The following PRKCA variants were observed in gnomAD, a reference collection of about 807,000 sequenced individuals.
PRKCA encodes the protein protein kinase C alpha, also known as protein kinase C alpha type.
PRKCA carries 27 observed loss-of-function variants against 87.0 expected under a neutral mutation model. The ratio of observed to expected loss-of-function variants is 0.31; its 90% CI spans 0.23 to 0.43. The LOEUF (loss-of-function observed/expected upper bound fraction) is 0.43, where lower values mean the gene tolerates loss of function less well. Among genes scored for constraint, PRKCA ranks in the 20% least tolerant of loss-of-function variants. The probability of loss-of-function intolerance (pLI) is 1.00; values close to 1 mark genes in which losing one functional copy is unlikely to be tolerated. For missense variants in PRKCA, 518 were observed against 852.3 expected (o/e 0.61, Z 4.88); for synonymous variants, 329 against 311.1 (o/e 1.06, Z -0.61).
chr17:66,400,851 A>C (rs1189858414), intron 2 of PRKCA, among the ~76,000 whole-genome samples: 2 of 152,192 alleles, frequency 1.3e-5, no homozygotes, highest in African/African-American at 2.4e-5. Context: ...GCTTTTCTTC[A>C]TGGTTATAAA....
intron 10 of PRKCA, among the ~76,000 whole-genome samples, chr17:66,738,086 G>A (rs1974077375): frequency 6.6e-6 from 1 of 152,162 alleles, no homozygotes; most frequent in South Asian, 2.1e-4. Flanking sequence ...ATGTCCTCAG[G>A]AATATGCAGA....
At chr17:66,368,386 ATTTTTTTTT>A (rs1180540465) in intron 2 of PRKCA, among the ~76,000 whole-genome samples, 8 of 25,468 alleles carry the variant, frequency 3.1e-4, no homozygotes, top group Admixed American at 1.6e-3. Flanking sequence ...ATATATATAT[ATTTTTTTTT>A]TTTTTTTTTT....
intron 1 of PRKCA, 54 bp downstream of exon 1, chr17:66,303,078 G>GC: frequency 6.3e-7 from 1 of 1,575,226 alleles, no homozygotes; most frequent in Non-Finnish European, 8.6e-7. Context: ...CCGGGTCCCG[G>GC]CACCCGGCGC....
In PRKCA at chr17:66,803,765, GCCCGGAGTTC is replaced by G; in HGVS notation, c.1855-104_1855-95del. ...CCTCCGAGATTCCTCCTCCTAACCA[GCCCGGAGTTC>G]CCCAGGGCCGTGCCCCTCCCCAGAG... On this transcript the variant is annotated intron_variant, in intron 16 of 16. Coordinates refer to ENST00000413366, the MANE Select transcript of PRKCA (RefSeq NM_002737.3). This position sits in a 1 kb window ranked among gnomAD's most constrained non-coding sequence, Gnocchi z 4.4. The G allele has an allele frequency of 6.8e-7, 1 of 1,466,190 alleles. No individual in the cohort carries two copies. The highest frequency in any genetic ancestry group is 9.1e-7 in the Non-Finnish European group (1 of 1,093,038). The allele number at this position is 1,466,190 out of a possible 1,614,324, so 90.8% of individuals were successfully genotyped here. A position where few individuals can be genotyped will look rare whatever the true frequency, so the allele number is the denominator to read the frequency against.
chr17:66,702,694 A>G (rs573175208), intron 8 of PRKCA, among the ~76,000 whole-genome samples: 61 of 152,322 alleles, frequency 4.0e-4, no homozygotes, highest in Non-Finnish European at 7.6e-4. Context: ...AACAATGACT[A>G]ATACCATTTT....
At chr17:66,500,308 G>A (rs1225762667) in intron 3 of PRKCA, among the ~76,000 whole-genome samples, 1 of 152,202 alleles carries the variant, frequency 6.6e-6, no homozygotes, top group Non-Finnish European at 1.5e-5. Flanking sequence ...GCTGTATGCA[G>A]GATGATTTTA....
At chr17:66,794,392 G>T (rs9916314) in intron 16 of PRKCA, among the ~76,000 whole-genome samples, 20,707 of 151,690 alleles carry the variant, frequency 0.14, 2,703 homozygotes, top group African/African-American at 0.34. Flanking sequence ...TCATTTCCCA[G>T]TGCCATTAGC....
At chr17:66,755,275 C>T (rs572187476) in intron 13 of PRKCA, among the ~76,000 whole-genome samples, 4 of 152,206 alleles carry the variant, frequency 2.6e-5, no homozygotes, top group Admixed American at 6.5e-5. Flanking sequence ...TGGAGAAGCG[C>T]GGCATGGGGT....
At chr17:66,732,307 A>C (rs1449800489) in intron 8 of PRKCA, among the ~76,000 whole-genome samples, 1 of 152,210 alleles carries the variant, frequency 6.6e-6, no homozygotes, top group Non-Finnish European at 1.5e-5. Context: ...ATCTACAAAT[A>C]CAAAAAGCAT....
intron 13 of PRKCA, among the ~76,000 whole-genome samples, chr17:66,743,872 C>A (rs1292302811): frequency 6.6e-6 from 1 of 152,130 alleles, no homozygotes; most frequent in African/African-American, 2.4e-5. Context: ...GAAGTCAGAC[C>A]CATGTGAGCT....
chr17:66,373,706 C>T (rs1909241057), intron 2 of PRKCA, among the ~76,000 whole-genome samples: 1 of 152,190 alleles, frequency 6.6e-6, no homozygotes, highest in Non-Finnish European at 1.5e-5. Context: ...TAGGGACAAT[C>T]ACAGAGATGC....
intron 13 of PRKCA, among the ~76,000 whole-genome samples, chr17:66,757,248 T>C (rs1371783876): frequency 6.7e-6 from 1 of 148,382 alleles, no homozygotes; most frequent in Non-Finnish European, 1.5e-5. Context: ...TGGAACAGAC[T>C]ATCCAAGAAC....
At chr17:66,501,023 C>T (rs1222509394) in intron 3 of PRKCA, among the ~76,000 whole-genome samples, 1 of 151,878 alleles carries the variant, frequency 6.6e-6, no homozygotes, top group Non-Finnish European at 1.5e-5. Context: ...TTAATAGTAC[C>T]TTCGTTGAGC....
intron 2 of PRKCA, among the ~76,000 whole-genome samples, chr17:66,441,049 C>A (rs1214386170): frequency 1.3e-5 from 2 of 150,848 alleles, no homozygotes; most frequent in Non-Finnish European, 2.9e-5. Flanking sequence ...GTAATCCCAG[C>A]TACTCAAGAG....
intron 3 of PRKCA, among the ~76,000 whole-genome samples, chr17:66,633,007 G>C (rs141683030): frequency 6.6e-6 from 1 of 152,268 alleles, no homozygotes; most frequent in East Asian, 1.9e-4. Flanking sequence ...TTGCAGATCA[G>C]AAATTAATGA....
At chr17:66,643,424 G>C (rs1309360675) in intron 4 of PRKCA, among the ~76,000 whole-genome samples, 1 of 152,220 alleles carries the variant, frequency 6.6e-6, no homozygotes, top group Non-Finnish European at 1.5e-5. Context: ...AGTTGTGTTT[G>C]TATCAGAGGG....
intron 2 of PRKCA, among the ~76,000 whole-genome samples, chr17:66,402,170 G>T (rs1192305142): frequency 6.6e-6 from 1 of 152,134 alleles, no homozygotes; most frequent in Non-Finnish European, 1.5e-5. Context: ...AGCAAAAGAG[G>T]TCTTAGAATG....
chr17:66,447,294 TC>T (rs1487649091), intron 2 of PRKCA, among the ~76,000 whole-genome samples: 1 of 152,128 alleles, frequency 6.6e-6, no homozygotes, highest in African/African-American at 2.4e-5. Flanking sequence ...CAATTCATTG[TC>T]CTCTGAGTAG....
rs1263835522 is a variant in PRKCA, at chr17:66,792,330, T to G, written c.1854+3351T>G. ...TGCAAACTGCTTCTACAGATCAGATTGAGCTTGTAGGATCAGGAGTCTATC... is the reference window on the plus strand; with the variant it reads ...TGCAAACTGCTTCTACAGATCAGATGGAGCTTGTAGGATCAGGAGTCTATC... On this transcript the variant is annotated intron_variant, in intron 16 of 16. Coordinates refer to ENST00000413366, the MANE Select transcript of PRKCA (RefSeq NM_002737.3). The surrounding 1 kb of genome is among the most constrained non-coding windows in gnomAD (Gnocchi z 4.5). Among the ~76,000 whole-genome samples the G allele has an allele frequency of 6.6e-6, 1 of 152,206 alleles. No individual in the cohort carries two copies. Among genetic ancestry groups the G allele is most frequent in the Non-Finnish European group, 1.5e-5 (1 of 68,022 alleles).
Sources: gnomAD v4.1 joint callset for allele counts (sites outside exome capture counted in the v4.1 genomes callset) on GRCh38, gnomAD v4.1.1 for gene constraint, Gnocchi (gnomAD v3.1) non-coding constraint, MANE v1.5 for transcripts, NCBI Gene and HGNC (gene_info 2026-07-23, HGNC 2026-07-21) for gene names.